Variants in COG5 observed in about 807,000 individuals in gnomAD.
COG5 encodes conserved oligomeric Golgi complex subunit 5.
A neutral mutation model predicts 110.4 loss-of-function variants in COG5; 86 were observed. The ratio of observed to expected loss-of-function variants is 0.78; its 90% CI spans 0.65 to 0.93. COG5 has a LOEUF of 0.93. COG5 is among the 40% of genes least tolerant of loss of function. The pLI, the probability that COG5 is intolerant of heterozygous loss-of-function variation, is 0.00. For synonymous variants in COG5, 360 were observed against 334.6 expected, an observed-to-expected ratio of 1.08 and a Z score of -0.83; for missense variants, 1,077 against 987.0, an observed-to-expected ratio of 1.09 and a Z score of -1.22.
Position 107,288,907 on chromosome 7 carries a change from G to GAT in COG5, c.1314-5177_1314-5176dup, listed in dbSNP as rs60313728. ...ATTTGCCCCTATGTTTTCTAACAGA[G>GAT]ATATATATATATATATATATATATA... On this transcript the variant is annotated intron_variant, in intron 12 of 21. Coordinates refer to ENST00000297135, the MANE Select transcript of COG5 (RefSeq NM_006348.5). Among the ~76,000 whole-genome samples the GAT allele has an allele frequency of 5.3e-3, 501 of 93,776 alleles. 1 individual carries two copies. The highest frequency in any genetic ancestry group is 8.0e-3 in the Non-Finnish European group (371 of 46,368). The allele number at this position is 93,776 out of a possible 152,430, so 61.5% of individuals were successfully genotyped here.
chr7:107,436,835 T>C (rs2129083676), intron 6 of COG5, among the ~76,000 whole-genome samples: 1 of 152,312 alleles, frequency 6.6e-6, no homozygotes, highest in East Asian at 1.9e-4. Context: ...CAAGACGCAG[T>C]GTGCCTTGTT....
intron 4 of COG5, 46 bp from the exon 5 acceptor site, chr7:107,548,226 C>A (rs1278068147): frequency 1.2e-6 from 2 of 1,602,702 alleles, no homozygotes; most frequent in African/African-American, 2.7e-5. Flanking sequence ...TTCAGAATAT[C>A]AATGGATAAA....
intron 6 of COG5, among the ~76,000 whole-genome samples, chr7:107,416,302 G>A (rs550695974): frequency 1.3e-5 from 2 of 152,014 alleles, no homozygotes; most frequent in South Asian, 4.2e-4. Context: ...TACTACAGAA[G>A]AGTGAAAATA....
chr7:107,464,307 C>T (rs942347461), intron 6 of COG5, among the ~76,000 whole-genome samples: 1 of 152,190 alleles, frequency 6.6e-6, no homozygotes, highest in Admixed American at 6.5e-5. Context: ...AGCCATACTG[C>T]CTTTTGCCTT....
chr7:107,541,523 A>AAATATATATAT (rs60423657), intron 5 of COG5, among the ~76,000 whole-genome samples: 29 of 57,012 alleles, frequency 5.1e-4, no homozygotes, highest in African/African-American at 1.7e-3. Context: ...AAAAAAAAAA[A>AAATATATATAT]ATATATATAT....
intron 1 of COG5, among the ~76,000 whole-genome samples, chr7:107,559,258 T>C (rs1038235888): frequency 9.9e-5 from 15 of 151,968 alleles, no homozygotes; most frequent in African/African-American, 3.4e-4. Flanking sequence ...CCCCTCAATA[T>C]AGAAATCCAC....
At chr7:107,455,438 T>G (rs1367823274) in intron 6 of COG5, among the ~76,000 whole-genome samples, 4 of 152,176 alleles carry the variant, frequency 2.6e-5, no homozygotes, top group African/African-American at 9.6e-5. Flanking sequence ...AAGTAAGGTC[T>G]CCTGGTAAAA....
chr7:107,264,922 A>G (rs1442630531), intron 14 of COG5, among the ~76,000 whole-genome samples: 1 of 152,144 alleles, frequency 6.6e-6, no homozygotes, highest in Admixed American at 6.5e-5. Flanking sequence ...AGATATGTCT[A>G]TGCAGCAGTT....
At chr7:107,555,116 C>T (rs1475733580) in intron 2 of COG5, among the ~76,000 whole-genome samples, 1 of 152,206 alleles carries the variant, frequency 6.6e-6, no homozygotes. Context: ...TATACCTGAA[C>T]ATCTCTCTGC....
In COG5 at chr7:107,216,153, G is replaced by C. The variant is rs186598336; in HGVS notation, c.2169-4928C>G. On this transcript the variant is annotated intron_variant, in intron 19 of 21. Coordinates refer to ENST00000297135, the MANE Select transcript of COG5 (RefSeq NM_006348.5). ...ACTTAAGCTCAAAGCAATAAAAAAAGGCAAAGAAAGTCATCATGATAAAGG... is the reference window on the plus strand; with the variant it reads ...ACTTAAGCTCAAAGCAATAAAAAAACGCAAAGAAAGTCATCATGATAAAGG... 1.4e-3 allele frequency among the ~76,000 whole-genome samples: 218 copies of C among 152,226 alleles called. 1 individual carries two copies. The highest frequency in any genetic ancestry group is 8.5e-4 in the Non-Finnish European group (58 of 68,004).
chr7:107,510,151 C>T (rs998426803), intron 6 of COG5, among the ~76,000 whole-genome samples: 1 of 151,914 alleles, frequency 6.6e-6, no homozygotes, highest in Non-Finnish European at 1.5e-5. Context: ...TTCAGGAAAC[C>T]CATCTCACGT....
intron 5 of COG5, among the ~76,000 whole-genome samples, chr7:107,543,132 C>A (rs954969603): frequency 1.3e-5 from 2 of 152,124 alleles, no homozygotes; most frequent in African/African-American, 4.8e-5. Context: ...TTCCAGGACT[C>A]CAGCTTGCAG....
intron 10 of COG5, among the ~76,000 whole-genome samples, chr7:107,353,282 G>A (rs541859304): frequency 2.6e-5 from 4 of 151,918 alleles, no homozygotes; most frequent in African/African-American, 7.2e-5. Flanking sequence ...AAAATTAGCC[G>A]GGCGAGGTGG....
intron 14 of COG5, among the ~76,000 whole-genome samples, chr7:107,280,757 A>T (rs752896510): frequency 2.2e-4 from 33 of 152,218 alleles, no homozygotes; most frequent in Middle Eastern, 3.4e-3. Context: ...AAATGCATGC[A>T]TATAGCTATT....
intron 6 of COG5, among the ~76,000 whole-genome samples, chr7:107,460,338 G>A (rs1306822880): frequency 6.6e-6 from 1 of 152,016 alleles, no homozygotes; most frequent in African/African-American, 2.4e-5. Context: ...AGGAGGTCGA[G>A]GCTACAGTGA....
chr7:107,362,359 GAA>G lies in COG5; in HGVS notation c.895_896del (p.Phe299LeufsTer39). 1.2e-6 allele frequency: 2 copies of G among 1,613,936 alleles called. No individual in the cohort carries two copies. The highest frequency in any genetic ancestry group is 2.2e-5 in the South Asian group (2 of 91,082). The stretch of plus-strand genomic sequence containing the variant: ...CCATAAGTTTCTCCATATTGGTCCA[GAA>G]TGAGGCACGCAAAGCTGCAGTATTT... Reference protein sequence around the residue: ...PGNTAALRASFWTNMEKLMDH... With the variant: ...PGNTAALRASXWTNMEKLMDH... On this transcript the variant is annotated frameshift_variant, in exon 9 of 22. Transcript: ENST00000297135. LOFTEE classifies it high-confidence loss of function.
At chr7:107,558,711 C>T (rs1382992727) in intron 1 of COG5, among the ~76,000 whole-genome samples, 2 of 151,060 alleles carry the variant, frequency 1.3e-5, no homozygotes, top group African/African-American at 2.4e-5. Flanking sequence ...ACAGTGAAAC[C>T]CCGTCTCTAC....
chr7:107,463,755 G>C (rs1796140505), intron 6 of COG5, among the ~76,000 whole-genome samples: 1 of 152,180 alleles, frequency 6.6e-6, no homozygotes, highest in African/African-American at 2.4e-5. Flanking sequence ...GGGAAGACAA[G>C]GTAGCGGGGA....
chr7:107,429,028 C>G (rs2129078378), intron 6 of COG5, among the ~76,000 whole-genome samples: 1 of 152,210 alleles, frequency 6.6e-6, no homozygotes, highest in Non-Finnish European at 1.5e-5. Flanking sequence ...TCAATTCCAC[C>G]ATGAACATTT....
Sources: allele counts gnomAD v4.1 joint callset (sites outside exome capture counted in the v4.1 genomes callset), GRCh38; gene constraint gnomAD v4.1.1; transcripts MANE v1.5; gene names NCBI Gene and HGNC (gene_info 2026-07-23, HGNC 2026-07-21).